Variants in CFAP54 observed in about 807,000 individuals in gnomAD.
CFAP54 encodes the protein cilia- and flagella-associated protein 54.
CFAP54 carries 290 observed loss-of-function variants against 370.4 expected under a neutral mutation model. The observed-to-expected ratio is 0.78, with a 90% confidence interval of 0.71 to 0.86. The LOEUF (loss-of-function observed/expected upper bound fraction) is 0.86, where lower values mean the gene tolerates loss of function less well. CFAP54 is among the 40% of genes least tolerant of loss of function. The pLI is 0.00. For missense variants in CFAP54, 3,399 were observed against 3,528.7 expected (o/e 0.96, Z 0.93); for synonymous variants, 1,206 against 1,236.5 (o/e 0.98, Z 0.52).
chr12:96,763,401 A>C (rs1958360288), intron 58 of CFAP54, among the ~76,000 whole-genome samples: 1 of 152,194 alleles, frequency 6.6e-6, no homozygotes, highest in Non-Finnish European at 1.5e-5. Flanking sequence ...AAAAATCTTT[A>C]AGCAATGTTG....
intron 40 of CFAP54, among the ~76,000 whole-genome samples, chr12:96,680,810 G>A (rs1325703192): frequency 1.3e-5 from 2 of 152,012 alleles, no homozygotes; most frequent in Non-Finnish European, 2.9e-5. Context: ...CTGACTGGGC[G>A]CCGTGGCTCA....
chr12:96,694,811 C>T (rs1957425179), intron 45 of CFAP54, among the ~76,000 whole-genome samples: 1 of 151,952 alleles, frequency 6.6e-6, no homozygotes, highest in Admixed American at 6.6e-5. Context: ...ATCACCAGGT[C>T]AGGAGTTCGA....
chr12:96,771,261 G>A (rs2136678579), intron 60 of CFAP54, among the ~76,000 whole-genome samples: 1 of 152,294 alleles, frequency 6.6e-6, no homozygotes, highest in South Asian at 2.1e-4. Flanking sequence ...CTATATAAAT[G>A]GGGATTCAGA....
chr12:96,820,628 A>G (rs1959022040), intron 65 of CFAP54, among the ~76,000 whole-genome samples: 1 of 152,192 alleles, frequency 6.6e-6, no homozygotes, highest in Non-Finnish European at 1.5e-5. Flanking sequence ...CAATGTTGCA[A>G]CATGAATTAT....
In CFAP54 at chr12:96,720,555, G is replaced by T. The variant is rs1957739228; in HGVS notation, c.6955G>T (p.Ala2319Ser). ...LAAVALQRHR[A>S]AYSAAIVFST... The stretch of plus-strand genomic sequence containing the variant: ...TGCAGTTGCTCTGCAGAGGCACCGG[G>T]CGGCATACAGGTGCGTCTCTCCATG... Residue 2319 changes from alanine to serine, a missense_variant, in exon 50 of 68, where the codon GCG (alanine) becomes TCG (serine). Around this residue, in one of 3 missense-constraint regions of CFAP54, gnomAD observed 2,796 missense variants for 2,869.7 expected, o/e 0.97. Transcript: ENST00000524981. The T allele has an allele frequency of 6.5e-7, 1 of 1,549,722 alleles. No individual in the cohort carries two copies. The highest frequency in any genetic ancestry group is 8.7e-7 in the Non-Finnish European group (1 of 1,144,382).
intron 67 of CFAP54, among the ~76,000 whole-genome samples, chr12:96,868,853 A>G (rs1960076470): frequency 6.6e-6 from 1 of 152,198 alleles, no homozygotes; most frequent in Non-Finnish European, 1.5e-5. Flanking sequence ...ACAAGTAAAT[A>G]CAGTGCTTTA....
At chr12:96,579,829 G>A (rs1956015001) in intron 20 of CFAP54, among the ~76,000 whole-genome samples, 1 of 151,808 alleles carries the variant, frequency 6.6e-6, no homozygotes, top group South Asian at 2.1e-4. Flanking sequence ...AAATTTTGTT[G>A]TTTCTGTGGG....
chr12:96,676,325 A>G (rs1957208210), intron 39 of CFAP54, among the ~76,000 whole-genome samples: 2 of 152,222 alleles, frequency 1.3e-5, no homozygotes, highest in African/African-American at 4.8e-5. Flanking sequence ...ATTTAAAACT[A>G]TGGCTTAGAG....
At chr12:96,495,481 A>ATT (rs1301419672) in intron 1 of CFAP54, among the ~76,000 whole-genome samples, 86 of 126,078 alleles carry the variant, frequency 6.8e-4, no homozygotes, top group African/African-American at 2.2e-3. Flanking sequence ...CGCCCGGCTA[A>ATT]TTTTTGTTTT....
At position 96,691,184 on chromosome 12, in the gene CFAP54, T is replaced by A; in HGVS notation, c.6138T>A (p.Tyr2046Ter). ...AAGCTGAACGTTGCTATGCTCAATA[T>A]GAAATCACTCAGCTTCTCCCAGGCA... ...HPKAERCYAQ[Y>*]EITQLLPGIE... The change falls in exon 44 of 68, where the codon TAT (tyrosine) becomes TAA (stop). Residue 2046 changes from tyrosine (Y) to a stop codon, truncating the protein, a stop_gained. Transcript: ENST00000524981. LOFTEE classifies it high-confidence loss of function. The A allele has an allele frequency of 6.2e-7, 1 of 1,613,722 alleles. No individual in the cohort carries two copies. Among genetic ancestry groups the A allele is most frequent in the Non-Finnish European group, 8.5e-7 (1 of 1,179,780 alleles).
intron 50 of CFAP54, among the ~76,000 whole-genome samples, chr12:96,733,868 G>A (rs1239208748): frequency 1.3e-5 from 2 of 152,126 alleles, no homozygotes; most frequent in Non-Finnish European, 2.9e-5. Flanking sequence ...CAGAATTTGG[G>A]TTTCAAGATG....
intron 9 of CFAP54, among the ~76,000 whole-genome samples, chr12:96,527,716 A>G (rs1955398976): frequency 6.6e-6 from 1 of 152,038 alleles, no homozygotes; most frequent in East Asian, 1.9e-4. Context: ...CTACAGGTGC[A>G]TGCCACCACA....
rs1405832100 is a variant in CFAP54 at position 96,521,962 on chromosome 12, A to G, written c.1048A>G (p.Thr350Ala). 4 of 1,533,028 alleles carry G rather than the reference A, an allele frequency of 2.6e-6. No individual in the cohort carries two copies. Among genetic ancestry groups the G allele is most frequent in the Non-Finnish European group, 3.5e-6 (4 of 1,144,560 alleles). 95.0% of individuals were successfully genotyped at this position (1,533,028 alleles called of 1,614,324 possible). ...ATCGCGAAGATATTTTCGAGAGGCCACAATGAAGGTATAAAAATTTCATGA... is the reference window on the plus strand; with the variant it reads ...ATCGCGAAGATATTTTCGAGAGGCCGCAATGAAGGTATAAAAATTTCATGA... ...EESRRYFREA[T>A]MKMAVMIFKR... The change falls in exon 7 of 68, where the codon ACA (threonine) becomes GCA (alanine). Residue 350 changes from threonine to alanine, a missense_variant. Physicochemically the swap from Thr to Ala is moderately conservative, Grantham distance 58. Coordinates refer to ENST00000524981, the MANE Select transcript of CFAP54 (RefSeq NM_001306084.2).
At chr12:96,661,134 A>G (rs971798654) in intron 38 of CFAP54, among the ~76,000 whole-genome samples, 8 of 151,972 alleles carry the variant, frequency 5.3e-5, no homozygotes, top group African/African-American at 1.5e-4. Context: ...GCCATTGACA[A>G]TCAGCTTAAC....
At chr12:96,855,989 G>A (rs1250303238) in intron 66 of CFAP54, among the ~76,000 whole-genome samples, 2 of 152,172 alleles carry the variant, frequency 1.3e-5, no homozygotes, top group Non-Finnish European at 2.9e-5. Flanking sequence ...TGAAATCTAG[G>A]TGGAGGTTCC....
rs576816399 is a variant in CFAP54, at chr12:96,653,664, CAT to C, written c.5100+1853_5100+1854del. 2.6e-3 allele frequency among the ~76,000 whole-genome samples: 387 copies of C among 151,410 alleles called. 3 individuals are homozygous for C. The highest frequency in any genetic ancestry group is 9.2e-3 in the African/African-American group (379 of 41,300). On this transcript the variant is annotated intron_variant, in intron 36 of 67. Coordinates refer to ENST00000524981, the MANE Select transcript of CFAP54 (RefSeq NM_001306084.2). ...TCAATGCTTAATAGGAAAGAAAAAA[CAT>C]ATAATATCAATTATCTAAATGTTTA...
chr12:96,759,689 G>C (rs751172011), intron 58 of CFAP54, among the ~76,000 whole-genome samples: 3 of 152,130 alleles, frequency 2.0e-5, no homozygotes, highest in Non-Finnish European at 2.9e-5. Context: ...AGTGACCATA[G>C]TACCTGTGTG....
At chr12:96,524,224 A>C (rs1363425344) in intron 8 of CFAP54, among the ~76,000 whole-genome samples, 2 of 152,300 alleles carry the variant, frequency 1.3e-5, no homozygotes, top group South Asian at 2.1e-4. Flanking sequence ...TTAGTTAGTG[A>C]TTTATTCAAT....
intron 50 of CFAP54, among the ~76,000 whole-genome samples, chr12:96,723,767 T>C (rs1957790314): frequency 6.6e-6 from 1 of 150,850 alleles, no homozygotes; most frequent in African/African-American, 2.4e-5. Flanking sequence ...CATGCTGGTG[T>C]GCTGCACCCA....
Sources: allele counts gnomAD v4.1 joint callset (sites outside exome capture counted in the v4.1 genomes callset), GRCh38; gene constraint gnomAD v4.1.1; regional missense constraint gnomAD v4.1.1; transcripts MANE v1.5; gene names NCBI Gene and HGNC (gene_info 2026-07-23, HGNC 2026-07-21).